The following MALRD1 variants were observed in gnomAD, a reference collection of about 807,000 sequenced individuals.
MALRD1 encodes MAM and LDL-receptor class A domain-containing protein 1.
MALRD1 carries 247 observed loss-of-function variants against 242.1 expected under a neutral mutation model. The observed-to-expected ratio is 1.02, with a 90% CI of 0.92 to 1.13. The LOEUF (loss-of-function observed/expected upper bound fraction) is 1.13, where lower values mean the gene tolerates loss of function less well. Among genes scored for constraint, MALRD1 ranks in the 50% most tolerant of loss-of-function variants. The pLI, the probability that MALRD1 is intolerant of heterozygous loss-of-function variation, is 0.00. For synonymous variants in MALRD1, 995 were observed against 866.6 expected (o/e 1.15, Z -2.60); for missense variants, 2,989 against 2,533.1 (o/e 1.18, Z -3.86).
At chr10:19,364,323 T>G (rs1845022400) in intron 26 of MALRD1, among the ~76,000 whole-genome samples, 1 of 152,120 alleles carries the variant, frequency 6.6e-6, no homozygotes, top group South Asian at 2.1e-4. Flanking sequence ...TATAAGTGAT[T>G]GGTAGGAATG....
At chr10:19,227,509 T>C (rs1247454216) in intron 18 of MALRD1, among the ~76,000 whole-genome samples, 1 of 152,038 alleles carries the variant, frequency 6.6e-6, no homozygotes. Context: ...ATATAAAAAG[T>C]ATAAAGCTTA....
At chr10:19,609,995 A>C (rs553828520) in intron 35 of MALRD1, among the ~76,000 whole-genome samples, 1 of 152,106 alleles carries the variant, frequency 6.6e-6, no homozygotes, top group South Asian at 2.1e-4. Context: ...AAAGTCTCAG[A>C]AGTATTTAAA....
upstream of MALRD1, among the ~76,000 whole-genome samples, chr10:19,048,136 T>G (rs1047299975): frequency 6.6e-6 from 1 of 152,178 alleles, no homozygotes; most frequent in African/African-American, 2.4e-5. Context: ...AATTGACAGG[T>G]GAATTCTTGT....
At chr10:19,171,466 GTATATACACACACACA>G (rs1834932909) in intron 13 of MALRD1, among the ~76,000 whole-genome samples, 4 of 108,376 alleles carry the variant, frequency 3.7e-5, no homozygotes, top group South Asian at 5.8e-4. Context: ...ATACACACAT[GTATATACACACACACA>G]TATATACACA....
At chr10:19,049,508 G>A (rs555334598) in intron 1 of MALRD1, among the ~76,000 whole-genome samples, 1 of 152,302 alleles carries the variant, frequency 6.6e-6, no homozygotes, top group South Asian at 2.1e-4. Context: ...TGAATTTAAT[G>A]TGGAGATATT....
chr10:19,157,240 G>T (rs1484823271), intron 12 of MALRD1, among the ~76,000 whole-genome samples: 1 of 150,646 alleles, frequency 6.6e-6, no homozygotes, highest in Non-Finnish European at 1.5e-5. Flanking sequence ...TAAGTTTGTG[G>T]CAATATGTGA....
rs993537723 is a variant in MALRD1, at chr10:19,704,517, C to T, written c.6314+11963C>T. On this transcript the variant is annotated intron_variant, in intron 38 of 39. Coordinates refer to ENST00000454679, the MANE Select transcript of MALRD1 (RefSeq NM_001142308.3). Reference sequence around the variant, plus strand: ...CAAGGGCCCCACCTCCTAATGCCGTCGCTTTAATAGGGCTTCAAGATATAC... The same window carrying T: ...CAAGGGCCCCACCTCCTAATGCCGTTGCTTTAATAGGGCTTCAAGATATAC... Among the ~76,000 whole-genome samples, 8 of 152,128 alleles carry T rather than the reference C, an allele frequency of 5.3e-5. No individual in the cohort carries two copies. The South Asian group carries it at 8.3e-4, about 16-fold the overall frequency.
intron 36 of MALRD1, among the ~76,000 whole-genome samples, chr10:19,669,908 AT>A (rs1841836878): frequency 6.6e-6 from 1 of 152,184 alleles, no homozygotes; most frequent in South Asian, 2.1e-4. Flanking sequence ...AACCTCACGC[AT>A]GTTTATTATT....
rs149491224 is a variant in MALRD1 at position 19,449,067 on chromosome 10, C to G, written c.4846-1240C>G. 2.1e-3 allele frequency among the ~76,000 whole-genome samples: 319 copies of G among 152,224 alleles called. 1 individual carries two copies. The highest frequency in any genetic ancestry group is 7.3e-3 in the African/African-American group (302 of 41,532). The stretch of plus-strand genomic sequence containing the variant: ...AGCTAATTACATCTGGAACTAGAAA[C>G]CCAAGGCCTCAGTAAATTGTTCAGT... On this transcript the variant is annotated intron_variant, in intron 28 of 39. Coordinates refer to ENST00000454679, the MANE Select transcript of MALRD1 (RefSeq NM_001142308.3).
At chr10:19,056,894 T>A (rs1828973731) in intron 1 of MALRD1, among the ~76,000 whole-genome samples, 1 of 152,218 alleles carries the variant, frequency 6.6e-6, no homozygotes, top group African/African-American at 2.4e-5. Flanking sequence ...GGATTTTGAA[T>A]TTTTCAAATG....
At chr10:19,446,819 C>G (rs931925346) in intron 28 of MALRD1, among the ~76,000 whole-genome samples, 4 of 152,044 alleles carry the variant, frequency 2.6e-5, no homozygotes, top group African/African-American at 9.7e-5. Flanking sequence ...TTTTCACATG[C>G]TTATATCCTC....
chr10:19,112,688 A>G (rs546077081), intron 5 of MALRD1, among the ~76,000 whole-genome samples: 1 of 152,166 alleles, frequency 6.6e-6, no homozygotes, highest in Non-Finnish European at 1.5e-5. Context: ...TGACTATTTT[A>G]TCTGGATAAC....
rs1837243776 is a variant in MALRD1 at position 19,214,951 on chromosome 10, C to T, written c.2991+5271C>T. 2.6e-5 allele frequency among the ~76,000 whole-genome samples: 4 copies of T among 152,194 alleles called. No individual in the cohort carries two copies. The South Asian group carries it at 8.3e-4, about 31-fold the overall frequency. On this transcript the variant is annotated intron_variant, in intron 18 of 39. Coordinates refer to ENST00000454679, the MANE Select transcript of MALRD1 (RefSeq NM_001142308.3). ...AACTTTGGCTAACTTATTCAAAACA[C>T]TCTCATGATATGCAGATATTATTGT...
intron 33 of MALRD1, among the ~76,000 whole-genome samples, chr10:19,584,603 T>C (rs1442853726): frequency 3.3e-5 from 5 of 152,112 alleles, no homozygotes; most frequent in Non-Finnish European, 7.4e-5. Context: ...TTTGTTATAA[T>C]TTCTGTTCTT....
chr10:19,692,237 T>C (rs749032567), intron 36 of MALRD1, 45 bp from the exon 37 acceptor site: 2 of 1,396,352 alleles, frequency 1.4e-6, no homozygotes, highest in East Asian at 5.0e-5. Context: ...CAAATATCTT[T>C]TCACTTTTCT....
At chr10:19,102,629 A>T (rs1361211949) in intron 4 of MALRD1, among the ~76,000 whole-genome samples, 1 of 152,082 alleles carries the variant, frequency 6.6e-6, no homozygotes, top group East Asian at 1.9e-4. Flanking sequence ...TGAATAATGC[A>T]CATGTGTTCA....
chr10:19,576,475 T>C (rs1393527748), intron 33 of MALRD1, among the ~76,000 whole-genome samples: 2 of 152,182 alleles, frequency 1.3e-5, no homozygotes, highest in African/African-American at 2.4e-5. Context: ...ATGTATACTT[T>C]CGTGTTGTAT....
chr10:19,100,514 A>G (rs2131326451), intron 4 of MALRD1, among the ~76,000 whole-genome samples: 1 of 152,236 alleles, frequency 6.6e-6, no homozygotes, highest in Admixed American at 6.5e-5. Context: ...AGCTTATCTC[A>G]TTGGAAATGA....
intron 31 of MALRD1, among the ~76,000 whole-genome samples, chr10:19,530,762 T>A (rs1424444447): frequency 6.6e-6 from 1 of 152,008 alleles, no homozygotes; most frequent in Non-Finnish European, 1.5e-5. Context: ...CACTTTGCAG[T>A]TATAGCCATT....
Sources: allele counts gnomAD v4.1 joint callset (sites outside exome capture counted in the v4.1 genomes callset), GRCh38; gene constraint gnomAD v4.1.1; transcripts MANE v1.5; gene names NCBI Gene and HGNC (gene_info 2026-07-23, HGNC 2026-07-21).